TTN: variants seen among roughly 807,000 people sequenced by gnomAD.
TTN encodes titin.
In TTN, 1,525 loss-of-function variants were observed where a neutral mutation model predicts 3,223.0. The observed-to-expected ratio is 0.47, with a 90% CI of 0.45 to 0.49. TTN has a LOEUF of 0.49. TTN is among the 20% of genes least tolerant of loss of function. The pLI, the probability that TTN is intolerant of heterozygous loss-of-function variation, is 0.00. For synonymous variants in TTN, 14,094 were observed against 15,161.0 expected, an observed-to-expected ratio of 0.93 and a Z score of 5.17; for missense variants, 40,786 against 43,424.0, an observed-to-expected ratio of 0.94 and a Z score of 5.40.
chr2:178,717,891 T>C, intron 86 of TTN, 52 bp downstream of exon 86: 1 of 1,575,384 alleles, frequency 6.3e-7, no homozygotes, highest in Non-Finnish European at 8.6e-7. Context: ...AGTTTTAACG[T>C]TTTTAAGAAA....
Position 178,614,062 on chromosome 2 carries a change from T to C in TTN, c.49335A>G (p.Lys16445=). The change falls in exon 262 of 363, where the codon AAA becomes AAG. Residue 16445 remains lysine (K), a synonymous_variant. Coordinates refer to ENST00000589042, the MANE Select transcript of TTN (RefSeq NM_001267550.2). ...EPVQASPITA[K]YQFDPPGPPT... is the part of the protein sequence containing the mutation. ...GATTGAGAAACTTACCAAACTGATA[T>C]TTGGCTGTTATTGGAGAGGCCTGAA... 2 of 1,612,004 alleles carry C rather than the reference T, an allele frequency of 1.2e-6. No homozygotes were observed. The highest frequency in any genetic ancestry group is 1.1e-5 in the South Asian group (1 of 90,740).
chr2:178,778,411 G>GCTTTTTTAAT, intron 24 of TTN: 1 of 263,356 alleles, frequency 3.8e-6, no homozygotes, highest in Non-Finnish European at 7.3e-6. Context: ...AAATGAATTT[G>GCTTTTTTAAT]GAAACAAAAC....
chr2:178,611,807 A>G lies in TTN; in HGVS notation c.50502T>C (p.Val16834=). The change falls in exon 268 of 363, where the codon GTT becomes GTC. Residue 16834 remains valine, a synonymous_variant. Transcript: ENST00000589042. The part of the protein sequence containing the change: ...FQVRAENEAG[V]GHPSEPTEIL... Reference sequence around the variant, plus strand: ...TTTCTGTGGGTTCACTTGGGTGGCCAACTCCAGCTTCATTTTCAGCCCGAA... The same window carrying G: ...TTTCTGTGGGTTCACTTGGGTGGCCGACTCCAGCTTCATTTTCAGCCCGAA... The G allele has an allele frequency of 6.2e-7, 1 of 1,612,918 alleles. No individual in the cohort carries two copies. The highest frequency in any genetic ancestry group is 8.5e-7 in the Non-Finnish European group (1 of 1,179,274).
Position 178,553,406 on chromosome 2 carries a change from T to A in TTN, c.89504-10A>T. 1.3e-6 allele frequency: 2 copies of A among 1,583,114 alleles called. No homozygotes were observed. Among genetic ancestry groups the A allele is most frequent in the Non-Finnish European group, 1.7e-6 (2 of 1,165,172 alleles). On this transcript the variant is annotated splice_polypyrimidine_tract_variant and intron_variant, in intron 334 of 362. Coordinates refer to ENST00000589042, the MANE Select transcript of TTN (RefSeq NM_001267550.2). ...TCAATCTCTGGTGCCTCTGTAGACA[T>A]AAAATGGATACATACAGTGAATTTT...
rs753472818 is a variant in TTN, at chr2:178,547,157, C to T, written c.94368G>A (p.Val31456=). The T allele has an allele frequency of 1.2e-6, 2 of 1,613,724 alleles. No individual in the cohort carries two copies. The highest frequency in any genetic ancestry group is 1.7e-6 in the Non-Finnish European group (2 of 1,179,798). ...CTAAGCATGGCACTTTGTTTTCTTT[C>T]ACCCAAAGAATTGTATTACGTTCTT... ...EKKERNTILW[V]KENKVPCLEC... is the part of the protein sequence containing the mutation. The change falls in exon 340 of 363, where the codon GTG becomes GTA. Residue 31456 remains valine, a synonymous_variant. Coordinates refer to ENST00000589042, the MANE Select transcript of TTN (RefSeq NM_001267550.2).
At position 178,734,766 on chromosome 2, in the gene TTN, G is replaced by A; in HGVS notation, c.15158C>T (p.Ser5053Leu). Residue 5053 changes from serine (S) to leucine (L), a missense_variant, in exon 51 of 363, where the codon TCA becomes TTA. Coordinates refer to ENST00000589042, the MANE Select transcript of TTN (RefSeq NM_001267550.2). ...GCCGACGTCATTCACTGCTTCACAT[G>A]AGTAACTCCCACTGTCTTCAACTTT... ...DVKVEDSGSYSCEAVNDVGSD... is the reference protein window; with the variant it reads ...DVKVEDSGSYLCEAVNDVGSD... The A allele has an allele frequency of 6.2e-7, 1 of 1,613,562 alleles. No homozygotes were observed.
In TTN at chr2:178,581,604, G is replaced by A; in HGVS notation, c.66664C>T (p.Leu22222=). Residue 22222 remains leucine (L), a synonymous_variant, in exon 316 of 363, where the codon CTG becomes TTG. Coordinates refer to ENST00000589042, the MANE Select transcript of TTN (RefSeq NM_001267550.2). ...LQKTRFEVTG[L]MEDTQYQFRV... is the part of the protein sequence containing the mutation. ...AATTGATATTGTGTGTCTTCCATCA[G>A]GCCAGTAACCTCAAAGCGGGTTTTC... 6.2e-7 allele frequency: 1 copy of A among 1,612,722 alleles called. No homozygotes were observed. Among genetic ancestry groups the A allele is most frequent in the Non-Finnish European group, 8.5e-7 (1 of 1,179,208 alleles).
chr2:178,678,829 A>C lies in TTN; in HGVS notation c.33744T>G (p.Val11248=). The C allele has an allele frequency of 1.3e-6, 2 of 1,586,282 alleles. No individual in the cohort carries two copies. Among genetic ancestry groups the C allele is most frequent in the East Asian group, 4.6e-5 (2 of 43,592 alleles). Residue 11248 remains valine (V), a splice_region_variant and synonymous_variant, in exon 143 of 363, where the codon GTT becomes GTG. Transcript: ENST00000589042. ...PKKEKPPPAK[V]PEVPKKPVPE... ...GCACAGGTTTCTTGGGCACTTCAGG[A>C]ACTTCAAAGATATCAAATAGAGTTA...
chr2:178,762,730 C>T (rs2089528483), intron 43 of TTN, among the ~76,000 whole-genome samples: 1 of 152,130 alleles, frequency 6.6e-6, no homozygotes, highest in Non-Finnish European at 1.5e-5. Context: ...ATTTCTTGAA[C>T]ACTATCCCTC....
chr2:178,563,666 G>A lies in TTN; in HGVS notation c.82466C>T (p.Thr27489Ile). The change falls in exon 326 of 363, where the codon ACA (threonine) becomes ATA (isoleucine). Residue 27489 changes from threonine (T) to isoleucine (I), a missense_variant. Thr to Ile is a moderately conservative substitution (Grantham distance 89). Transcript: ENST00000589042. The surrounding 1 kb of genome is among the most constrained non-coding windows in gnomAD (Gnocchi z 4.5). ...TCCGTCGTCTACTGGGCGTGCCCAT[G>A]TTACTACCATAGAATCTTTGGTGAT... is the stretch of plus-strand genomic sequence containing the variant. ...SAITKDSMVV[T>I]WARPVDDGGT... 1 of 1,613,780 alleles carries A rather than the reference G, an allele frequency of 6.2e-7. No homozygotes were observed. Among genetic ancestry groups the A allele is most frequent in the East Asian group, 2.2e-5 (1 of 44,842 alleles).
Position 178,532,533 on chromosome 2 carries a change from T to C in TTN, c.104082A>G (p.Ser34694=), listed in dbSNP as rs1413571023. ...EEELELGFSA[S]PPSRSPPHFE... Reference sequence around the variant, plus strand: ...AGTGTGGAGGGCTTCGACTTGGGGGTGAAGCTGAAAAACCTAACTCAAGCT... The same window carrying C: ...AGTGTGGAGGGCTTCGACTTGGGGGCGAAGCTGAAAAACCTAACTCAAGCT... Residue 34694 remains serine, a synonymous_variant, in exon 358 of 363, where the codon TCA becomes TCG. Transcript: ENST00000589042. The C allele has an allele frequency of 6.8e-6, 11 of 1,613,804 alleles. No individual in the cohort carries two copies. The highest frequency in any genetic ancestry group is 1.7e-5 in the Admixed American group (1 of 60,000).
rs574305853 is a variant in TTN, at chr2:178,634,032, C to A, written c.42467G>T (p.Gly14156Val). 1 of 1,613,128 alleles carries A rather than the reference C, an allele frequency of 6.2e-7. No homozygotes were observed. Among genetic ancestry groups the A allele is most frequent in the Non-Finnish European group, 8.5e-7 (1 of 1,179,454 alleles). Residue 14156 changes from glycine to valine, a missense_variant, in exon 231 of 363, where the codon GGT becomes GTT. Transcript: ENST00000589042. The surrounding 1 kb of genome is among the most constrained non-coding windows in gnomAD (Gnocchi z 4.6). ...TTCACAAACAAAAGTTGCTGTTTCA[C>A]CTTCTTTTACTGTTTGATCTTCAAG... ...SPLEDQTVKE[G>V]ETATFVCELS...
Position 178,539,459 on chromosome 2 carries a change from C to A in TTN, c.98606G>T (p.Arg32869Leu). ...GCCAAACTGGTTTTCTGCTGAAACA[C>A]GGAAATGGTATTCTACATTCTCTTT... ...GLKENVEYHF[R>L]VSAENQFGIS... Residue 32869 changes from arginine (R) to leucine (L), a missense_variant, in exon 352 of 363, where the codon CGT (arginine) becomes CTT (leucine). By Grantham distance (102) the Arg-to-Leu change is moderately radical. Transcript: ENST00000589042. The A allele has an allele frequency of 1.2e-6, 2 of 1,613,844 alleles. No homozygotes were observed. The highest frequency in any genetic ancestry group is 3.3e-5 in the Admixed American group (2 of 60,018).
rs1394976705 is a variant in TTN, at chr2:178,718,838, C to G, written c.24362G>C (p.Gly8121Ala). ...TTCCAGAGAGATGTTGCATGACTCCCCAGGCACCAGTTCCCTGCTGCCTTT... is the reference window on the plus strand; with the variant it reads ...TTCCAGAGAGATGTTGCATGACTCCGCAGGCACCAGTTCCCTGCTGCCTTT... ...WFKGSRELVP[G>A]ESCNISLEDF... The change falls in exon 84 of 363, where the codon GGG becomes GCG. Residue 8121 changes from glycine (G) to alanine (A), a missense_variant. Physicochemically the swap from Gly to Ala is moderately conservative, Grantham distance 60. Transcript: ENST00000589042. 1 of 1,613,678 alleles carries G rather than the reference C, an allele frequency of 6.2e-7. No homozygotes were observed.
chr2:178,757,968 A>G, intron 44 of TTN, 52 bp from the exon 45 acceptor site: 1 of 1,493,252 alleles, frequency 6.7e-7, no homozygotes, highest in Non-Finnish European at 8.9e-7. Context: ...TGAAACCAGA[A>G]CTCATTTGGA....
rs879219359 is a variant in TTN at position 178,562,206 on chromosome 2, C to T, written c.83926G>A (p.Ala27976Thr). 1.1e-5 allele frequency: 18 copies of T among 1,612,492 alleles called. No homozygotes were observed. The highest frequency in any genetic ancestry group is 1.4e-5 in the Non-Finnish European group (17 of 1,179,394). ...ACATCAATCTTAAGTTGTTCTCTAG[C>T]CTTTACATTGAAAGTATGGAAAGGA... Reference protein sequence around the residue: ...ELPFHTFNVKAREQLKIDVPF... With the variant: ...ELPFHTFNVKTREQLKIDVPF... Residue 27976 changes from alanine (A) to threonine (T), a missense_variant, in exon 326 of 363, where the codon GCT (alanine) becomes ACT (threonine). By Grantham distance (58) the Ala-to-Thr change is moderately conservative (BLOSUM62 0). Coordinates refer to ENST00000589042, the MANE Select transcript of TTN (RefSeq NM_001267550.2).
At chr2:178,744,842 G>T in intron 47 of TTN, 1 of 985,056 alleles carries the variant, frequency 1.0e-6, no homozygotes, top group Non-Finnish European at 1.2e-6. Flanking sequence ...AGAAAAATAA[G>T]GTATCTCCAA....
intron 216 of TTN, among the ~76,000 whole-genome samples, chr2:178,646,279 A>G (rs900426642): frequency 1.3e-5 from 2 of 151,268 alleles, no homozygotes; most frequent in Non-Finnish European, 2.9e-5. Context: ...AACAACAACA[A>G]ACAAAGCATC....
At position 178,740,692 on chromosome 2, in the gene TTN, T is replaced by C. The variant is rs1490734117; in HGVS notation, c.12541A>G (p.Thr4181Ala). 6.2e-7 allele frequency: 1 copy of C among 1,613,880 alleles called. No homozygotes were observed. The highest frequency in any genetic ancestry group is 8.5e-7 in the Non-Finnish European group (1 of 1,179,818). The change falls in exon 48 of 363, where the codon ACC (threonine) becomes GCC (alanine). Residue 4181 changes from threonine to alanine, a missense_variant. Physicochemically the swap from Thr to Ala is moderately conservative, Grantham distance 58. Coordinates refer to ENST00000589042, the MANE Select transcript of TTN (RefSeq NM_001267550.2). Reference sequence around the variant, plus strand: ...ATGGCACTTGGGAAGATTTTCTCGGTATCTGATAGAACTGCCTGTGTCTCA... The same window carrying C: ...ATGGCACTTGGGAAGATTTTCTCGGCATCTGATAGAACTGCCTGTGTCTCA... ...EPETQAVLSD[T>A]EKIFPSAMSI... is the part of the protein sequence containing the mutation.
Sources: gnomAD v4.1 joint callset for allele counts (sites outside exome capture counted in the v4.1 genomes callset) on GRCh38, gnomAD v4.1.1 for gene constraint, Gnocchi (gnomAD v3.1) non-coding constraint, MANE v1.5 for transcripts, NCBI Gene and HGNC (gene_info 2026-07-23, HGNC 2026-07-21) for gene names.